Variants in PRP4K observed in about 807,000 individuals in gnomAD.
PRP4K encodes the protein serine/threonine-protein kinase PRP4 homolog.
chr6:4,051,107 G>T, the PRP4K span, among the ~76,000 whole-genome samples: 1 of 151,810 alleles, frequency 6.6e-6, no homozygotes, highest in Non-Finnish European at 1.5e-5. Context: ...ACAGGGTTTC[G>T]CCATGTTGGC....
At chr6:4,026,795 T>C in the PRP4K span, among the ~76,000 whole-genome samples, 1 of 152,182 alleles carries the variant, frequency 6.6e-6, no homozygotes, top group African/African-American at 2.4e-5. Context: ...AGAAAAATGT[T>C]AAGCACAGAA....
the PRP4K span, among the ~76,000 whole-genome samples, chr6:4,055,639 C>A: frequency 2.0e-5 from 3 of 152,250 alleles, no homozygotes; most frequent in East Asian, 5.8e-4. Context: ...GTCATGGGAG[C>A]AACTCCAGCC....
the PRP4K span, chr6:4,032,067 A>G: frequency 6.2e-7 from 1 of 1,614,006 alleles, no homozygotes; most frequent in Non-Finnish European, 8.5e-7. Flanking sequence ...AAAGAAACGA[A>G]GTAAAAGCAG....
chr6:4,061,330 T>C, the PRP4K span: 1 of 152,762 alleles, frequency 6.5e-6, no homozygotes, highest in Admixed American at 6.5e-5. Flanking sequence ...CATTTAAAAT[T>C]GGAAGAGAAC....
the PRP4K span, chr6:4,057,104 A>G: frequency 6.2e-7 from 1 of 1,612,376 alleles, no homozygotes; most frequent in Non-Finnish European, 8.5e-7. Flanking sequence ...CGAACTCTAT[A>G]CTGGAAAAAT....
chr6:4,041,739 C>A, the PRP4K span, among the ~76,000 whole-genome samples: 1 of 151,998 alleles, frequency 6.6e-6, no homozygotes, highest in Non-Finnish European at 1.5e-5. Context: ...ACAGGATAAC[C>A]CCCCACACAC....
At chr6:4,022,792 G>A in the PRP4K span, among the ~76,000 whole-genome samples, 4 of 152,150 alleles carry the variant, frequency 2.6e-5, no homozygotes, top group African/African-American at 4.8e-5. Context: ...TTCATTGTGT[G>A]GCACAATTAC....
the PRP4K span, chr6:4,060,678 T>C: frequency 7.2e-7 from 1 of 1,382,288 alleles, no homozygotes; most frequent in South Asian, 1.3e-5. This position sits in a 1 kb window ranked among gnomAD's most constrained non-coding sequence, Gnocchi z 4.7. Context: ...TTCACAGCAG[T>C]TTATTAATGT....
chr6:4,038,868 A>T, the PRP4K span, among the ~76,000 whole-genome samples: 1 of 150,562 alleles, frequency 6.6e-6, no homozygotes, highest in Non-Finnish European at 1.5e-5. Flanking sequence ...GCTAATTACT[A>T]GATAGGCCCT....
At chr6:4,058,784 G>A in the PRP4K span, 1 of 1,612,296 alleles carries the variant, frequency 6.2e-7, no homozygotes, top group East Asian at 2.2e-5. Context: ...TCAACTTCAT[G>A]TACATAGAAG....
the PRP4K span, among the ~76,000 whole-genome samples, chr6:4,040,187 T>G: frequency 0.017 from 2,626 of 151,882 alleles, 87 homozygotes; most frequent in African/African-American, 0.06. Flanking sequence ...GCCCCCAGTT[T>G]TTTTTTTTTT....
At chr6:4,034,796 T>C in the PRP4K span, among the ~76,000 whole-genome samples, 1 of 151,994 alleles carries the variant, frequency 6.6e-6, no homozygotes, top group African/African-American at 2.4e-5. Context: ...CACTGCAACC[T>C]CTGCCTCCTG....
At chr6:4,053,337 T>G in the PRP4K span, among the ~76,000 whole-genome samples, 28 of 152,270 alleles carry the variant, frequency 1.8e-4, no homozygotes, top group African/African-American at 6.5e-4. Flanking sequence ...TTGAAGTTTA[T>G]TTTATTTTAT....
At chr6:4,032,693 C>G in the PRP4K span, 33 of 1,605,442 alleles carry the variant, frequency 2.1e-5, no homozygotes, top group Non-Finnish European at 2.4e-5. Flanking sequence ...GGAGAAGAGC[C>G]AAGAGCCGAT....
chr6:4,027,143 C>T, the PRP4K span, among the ~76,000 whole-genome samples: 2 of 152,138 alleles, frequency 1.3e-5, no homozygotes, highest in African/African-American at 4.8e-5. Context: ...CATAATCTGA[C>T]TTTTAAAGCA....
chr6:4,038,493 A>G, the PRP4K span, among the ~76,000 whole-genome samples: 1 of 151,158 alleles, frequency 6.6e-6, no homozygotes, highest in African/African-American at 2.4e-5. Context: ...GAGTTTCACT[A>G]TGTTGGTCAG....
the PRP4K span, among the ~76,000 whole-genome samples, chr6:4,047,867 TA>T: frequency 3.7e-4 from 53 of 141,774 alleles, no homozygotes; most frequent in African/African-American, 1.3e-3. Context: ...ACAGGGAAAA[TA>T]AAAATGTGGT....
chr6:4,051,467 C>A, the PRP4K span, among the ~76,000 whole-genome samples: 1 of 151,750 alleles, frequency 6.6e-6, no homozygotes, highest in Non-Finnish European at 1.5e-5. Flanking sequence ...CAGGCACCCG[C>A]CACCACCCTT....
chr6:4,049,378 G>C, the PRP4K span: 1 of 461,234 alleles, frequency 2.2e-6, no homozygotes, highest in Non-Finnish European at 3.8e-6. Flanking sequence ...CAGAAGGAAG[G>C]GGTACGTCAC....
Sources: gnomAD v4.1 joint callset for allele counts (sites outside exome capture counted in the v4.1 genomes callset) on GRCh38, gnomAD v4.1.1 for gene constraint, Gnocchi (gnomAD v3.1) non-coding constraint, MANE v1.5 for transcripts, NCBI Gene and HGNC (gene_info 2026-07-23, HGNC 2026-07-21) for gene names.